The following SYNE2 variants were observed in gnomAD, a reference collection of about 807,000 sequenced individuals.
SYNE2 encodes the protein nesprin-2.
In SYNE2, 431 loss-of-function variants were observed where a neutral mutation model predicts 856.3. The observed-to-expected ratio is 0.50, with a 90% CI of 0.47 to 0.55. The LOEUF is 0.55. Ranked by LOEUF, SYNE2 falls within the 20% of genes least tolerant of loss-of-function variation. The probability of loss-of-function intolerance (pLI) is 0.00; values close to 1 mark genes in which losing one functional copy is unlikely to be tolerated. For synonymous variants in SYNE2, 2,923 were observed against 2,872.3 expected (o/e 1.02, Z -0.56); for missense variants, 8,129 against 8,023.2 (o/e 1.01, Z -0.50).
At chr14:64,223,947 A>T (rs1432475164) in intron 113 of SYNE2, among the ~76,000 whole-genome samples, 1 of 152,046 alleles carries the variant, frequency 6.6e-6, no homozygotes, top group East Asian at 1.9e-4. Flanking sequence ...GCTCTGTGCT[A>T]TGGGTTGGTT....
At chr14:64,201,430 G>A (rs1054912643) in intron 99 of SYNE2, among the ~76,000 whole-genome samples, 8 of 152,210 alleles carry the variant, frequency 5.3e-5, no homozygotes, top group Non-Finnish European at 1.0e-4. Context: ...TGAGTGCGGC[G>A]GAAACTGGCC....
intron 99 of SYNE2, among the ~76,000 whole-genome samples, chr14:64,198,991 T>C (rs1490605368): frequency 6.6e-6 from 1 of 152,204 alleles, no homozygotes; most frequent in Non-Finnish European, 1.5e-5. Flanking sequence ...CTTCCAGCTA[T>C]CTCTGAATCC....
At position 64,106,941 on chromosome 14, in the gene SYNE2, T is replaced by G. The variant is rs140487041; in HGVS notation, c.12493-550T>G. Among the ~76,000 whole-genome samples the G allele has an allele frequency of 8.2e-3, 1,249 of 152,320 alleles. 14 individuals carry two copies. The highest frequency in any genetic ancestry group is 0.029 in the African/African-American group (1,191 of 41,572). ...AATTCTACTTATATTTTTCATAAAA[T>G]GCCTTGGTAGTTGTTCCTAAATGGA... On this transcript the variant is annotated intron_variant, in intron 64 of 115. Coordinates refer to ENST00000555002, the MANE Select transcript of SYNE2 (RefSeq NM_182914.3).
intron 1 of SYNE2, among the ~76,000 whole-genome samples, chr14:63,812,472 G>A (rs1261918926): frequency 6.6e-6 from 1 of 152,084 alleles, no homozygotes; most frequent in Non-Finnish European, 1.5e-5. Context: ...TAACACAATA[G>A]TGGTCCTGAG....
chr14:63,896,225 T>C (rs867432388), intron 1 of SYNE2, among the ~76,000 whole-genome samples: 1 of 152,260 alleles, frequency 6.6e-6, no homozygotes, highest in Non-Finnish European at 1.5e-5. Flanking sequence ...TTCCATAGCA[T>C]GTTCTCATAA....
At chr14:64,173,121 C>T (rs374498855) in intron 94 of SYNE2, among the ~76,000 whole-genome samples, 17 of 152,266 alleles carry the variant, frequency 1.1e-4, no homozygotes, top group African/African-American at 4.1e-4. Flanking sequence ...TAAAGGACTT[C>T]AGCTTCTGTA....
At position 64,143,826 on chromosome 14, in the gene SYNE2, T is replaced by C. The variant is rs922977258; in HGVS notation, c.15361T>C (p.Ser5121Pro). Residue 5121 changes from serine to proline, a missense_variant, in exon 83 of 116, where the codon TCA becomes CCA. Coordinates refer to ENST00000555002, the MANE Select transcript of SYNE2 (RefSeq NM_182914.3). ...KQWIVDFVNQ[S>P]LLQLSTCDVE... Reference sequence around the variant, plus strand: ...GTGGATAGTTGACTTCGTTAACCAGTCATTACTTCAGCTAAGCACCTGTGA... The same window carrying C: ...GTGGATAGTTGACTTCGTTAACCAGCCATTACTTCAGCTAAGCACCTGTGA... The C allele has an allele frequency of 1.2e-6, 2 of 1,614,236 alleles. No homozygotes were observed. Among genetic ancestry groups the C allele is most frequent in the Non-Finnish European group, 8.5e-7 (1 of 1,180,026 alleles).
chr14:63,937,831 T>C (rs1369649250), intron 2 of SYNE2, among the ~76,000 whole-genome samples: 2 of 152,128 alleles, frequency 1.3e-5, no homozygotes, highest in Non-Finnish European at 2.9e-5. Context: ...GGAGTGTTGG[T>C]AATAATTGAT....
chr14:63,813,292 G>T (rs1362451796), intron 1 of SYNE2, among the ~76,000 whole-genome samples: 1 of 152,222 alleles, frequency 6.6e-6, no homozygotes, highest in Admixed American at 6.5e-5. Context: ...AGTGAATGTA[G>T]AGAGAAAAAT....
chr14:63,908,472 T>A (rs989983543), intron 1 of SYNE2, among the ~76,000 whole-genome samples: 2 of 151,864 alleles, frequency 1.3e-5, no homozygotes, highest in African/African-American at 4.8e-5. Flanking sequence ...TAAAAACTGC[T>A]CTCACTGGAA....
At position 64,219,368 on chromosome 14, in the gene SYNE2, C is replaced by G; in HGVS notation, c.19818C>G (p.Pro6606=). The change falls in exon 110 of 116, where the codon CCC becomes CCG. Residue 6606 remains proline, a synonymous_variant. Transcript: ENST00000555002. ...AAATGTTAAAGATGGCAAAGCCTCC[C>G]TCTGATATCCAGGAAATAGAACTGA... ...ELEMLKMAKP[P]SDIQEIELRV... is the part of the protein sequence containing the mutation. 2 of 1,614,098 alleles carry G rather than the reference C, an allele frequency of 1.2e-6. No individual in the cohort carries two copies. The highest frequency in any genetic ancestry group is 1.7e-6 in the Non-Finnish European group (2 of 1,180,036).
At chr14:63,812,156 A>G (rs955925445) in intron 1 of SYNE2, among the ~76,000 whole-genome samples, 3 of 152,086 alleles carry the variant, frequency 2.0e-5, no homozygotes, top group African/African-American at 7.2e-5. Context: ...TCAACCTCAT[A>G]AGACAGACAC....
intron 9 of SYNE2, among the ~76,000 whole-genome samples, chr14:63,961,911 A>G (rs886401999): frequency 2.6e-5 from 4 of 151,262 alleles, no homozygotes; most frequent in Admixed American, 2.6e-4. Flanking sequence ...GTTCAAAGGG[A>G]TAATTTATTA....
intron 98 of SYNE2, among the ~76,000 whole-genome samples, chr14:64,189,476 C>T (rs1350908833): frequency 6.6e-6 from 1 of 152,192 alleles, no homozygotes; most frequent in Non-Finnish European, 1.5e-5. Flanking sequence ...CCAGTCAAAC[C>T]TCTGGAAAAC....
At chr14:63,866,735 G>T (rs1895432851) in intron 1 of SYNE2, among the ~76,000 whole-genome samples, 1 of 152,130 alleles carries the variant, frequency 6.6e-6, no homozygotes, top group Non-Finnish European at 1.5e-5. Flanking sequence ...GCACTTGGAG[G>T]CCAAGGCAGG....
At chr14:64,084,812 G>C (rs2097547827) in intron 57 of SYNE2, 1 of 597,368 alleles carries the variant, frequency 1.7e-6, no homozygotes, top group Non-Finnish European at 3.0e-6. Flanking sequence ...AAGTATCTCT[G>C]GCTCAAGGTC....
chr14:64,214,322 T>C lies in SYNE2; in HGVS notation c.19185T>C (p.His6395=), dbSNP rs146775592. The change falls in exon 106 of 116, where the codon CAT becomes CAC. Residue 6395 remains histidine, a synonymous_variant. Transcript: ENST00000555002. ...EEPSSPQSLC[H]LVAPGHERSG... ...CGTCATCTCCTCAGTCCCTGTGTCA[T>C]CTAGTGGCCCCAGGGCACGAGCGGT... 9.0e-5 allele frequency: 145 copies of C among 1,614,010 alleles called. 1 individual carries two copies. In the East Asian group the frequency reaches 2.3e-3, roughly 25 times the overall value.
intron 64 of SYNE2, among the ~76,000 whole-genome samples, chr14:64,106,572 C>G (rs2097773228): frequency 6.6e-6 from 1 of 152,130 alleles, no homozygotes; most frequent in African/African-American, 2.4e-5. Context: ...GGGCGTGAAC[C>G]CAGGAGGCGG....
At chr14:64,145,755 T>C (rs1376442130) in intron 83 of SYNE2, among the ~76,000 whole-genome samples, 2 of 152,184 alleles carry the variant, frequency 1.3e-5, no homozygotes, top group African/African-American at 4.8e-5. Flanking sequence ...ACTTTACATA[T>C]ATTAATAGAT....
Sources: gnomAD v4.1 joint callset for allele counts (sites outside exome capture counted in the v4.1 genomes callset) on GRCh38, gnomAD v4.1.1 for gene constraint, MANE v1.5 for transcripts, NCBI Gene and HGNC (gene_info 2026-07-23, HGNC 2026-07-21) for gene names.